Variants in CABP5 observed in about 807,000 individuals in gnomAD.
CABP5 encodes calcium-binding protein 5.
A neutral mutation model predicts 21.9 loss-of-function variants in CABP5; 17 were observed. The ratio of observed to expected loss-of-function variants is 0.78; its 90% confidence interval spans 0.53 to 1.17. The LOEUF is 1.17. CABP5 is among the 50% of genes most tolerant of loss of function. CABP5 has a pLI of 0.00. For missense variants in CABP5, 229 were observed against 228.9 expected (o/e 1.00, Z 0.00); for synonymous variants, 85 against 79.4 (o/e 1.07, Z -0.37).
At chr19:48,032,296 T>G (rs1381703638) in intron 5 of CABP5, among the ~76,000 whole-genome samples, 3 of 151,400 alleles carry the variant, frequency 2.0e-5, no homozygotes, top group Non-Finnish European at 4.4e-5. Context: ...CGAGGCCAGA[T>G]GATGGATAGA....
chr19:48,036,886 ATG>A (rs1967414169), intron 4 of CABP5, among the ~76,000 whole-genome samples: 1 of 152,240 alleles, frequency 6.6e-6, no homozygotes, highest in African/African-American at 2.4e-5. Context: ...TAAAACCACA[ATG>A]AAATATCACC....
chr19:48,038,028 C>T (rs1259382356), intron 4 of CABP5, among the ~76,000 whole-genome samples: 9 of 152,194 alleles, frequency 5.9e-5, no homozygotes, highest in Admixed American at 2.0e-4. Context: ...AATTCCCTGC[C>T]TCAGCCTCCC....
At chr19:48,042,638 G>C (rs1375309282) in intron 1 of CABP5, among the ~76,000 whole-genome samples, 1 of 149,356 alleles carries the variant, frequency 6.7e-6, no homozygotes, top group Non-Finnish European at 1.5e-5. Flanking sequence ...GCAGTGGCAC[G>C]AACTCGGCTC....
At chr19:48,035,435 T>C (rs1967396369) in intron 4 of CABP5, among the ~76,000 whole-genome samples, 1 of 152,302 alleles carries the variant, frequency 6.6e-6, no homozygotes, top group South Asian at 2.1e-4. Context: ...CCGTCTTTAC[T>C]AAAAATACAA....
chr19:48,032,664 A>ACC (rs1822659010), intron 5 of CABP5, among the ~76,000 whole-genome samples: 1 of 143,986 alleles, frequency 6.9e-6, no homozygotes, highest in African/African-American at 2.6e-5. Flanking sequence ...ATGGAGTCTC[A>ACC]CTGTTGCCCG....
At chr19:48,034,971 C>G (rs946692899) in intron 4 of CABP5, among the ~76,000 whole-genome samples, 4 of 152,098 alleles carry the variant, frequency 2.6e-5, no homozygotes, top group African/African-American at 9.7e-5. Flanking sequence ...AGCCAAAGTG[C>G]CCAGCGATAC....
chr19:48,043,844 T>C lies in CABP5; in HGVS notation c.63+16A>G, dbSNP rs1967515224. 3 of 1,144,890 alleles carry C rather than the reference T, an allele frequency of 2.6e-6. No homozygotes were observed. Among genetic ancestry groups the C allele is most frequent in the Non-Finnish European group, 3.5e-6 (3 of 853,384 alleles). 70.9% of individuals were successfully genotyped at this position (1,144,890 alleles called of 1,614,324 possible). On this transcript the variant is annotated intron_variant, in intron 1 of 5. Transcript: ENST00000293255. ...TTGCCCCGCCCACCGCCCTTCCCCC[T>C]CACTCCCCACCTCACCCGCTGTTTC... is the stretch of plus-strand genomic sequence containing the variant.
rs116560311 is a variant in CABP5, at chr19:48,041,583, A to G, written c.84T>C (p.Asp28=). 1,520 of 1,596,304 alleles carry G rather than the reference A, an allele frequency of 9.5e-4. 18 individuals carry two copies. In the African/African-American group the frequency reaches 0.018, roughly 19 times the overall value. Residue 28 remains aspartate (D), a synonymous_variant, in exon 2 of 6, where the codon GAT becomes GAC. Transcript: ENST00000293255. The part of the protein sequence containing the change: ...EKQRERPLGQ[D]EIEELREAFL... Reference sequence around the variant, plus strand: ...GGAAGACGGTGTTACCTTCAATCTCATCTTGTCCCAGTGGTCTTTCCTGGA... The same window carrying G: ...GGAAGACGGTGTTACCTTCAATCTCGTCTTGTCCCAGTGGTCTTTCCTGGA...
At position 48,030,381 on chromosome 19, in the gene CABP5, G is replaced by T. The variant is rs78570516; in HGVS notation, c.*176C>A. On this transcript the variant is annotated 3_prime_UTR_variant, in exon 6 of 6. Coordinates refer to ENST00000293255, the MANE Select transcript of CABP5 (RefSeq NM_019855.5). Reference sequence around the variant, plus strand: ...CTAGTTCTGCAGACGCCCCCATCCTGGCAAAGATACCGCTCTGGGTCTCAC... The same window carrying T: ...CTAGTTCTGCAGACGCCCCCATCCTTGCAAAGATACCGCTCTGGGTCTCAC... 9,296 of 569,292 alleles carry T rather than the reference G, an allele frequency of 0.016. 118 individuals are homozygous for T. The highest frequency in any genetic ancestry group is 0.019 in the Non-Finnish European group (6,173 of 322,872). 35.3% of individuals were successfully genotyped at this position (569,292 alleles called of 1,614,324 possible). A position where few individuals can be genotyped will look rare whatever the true frequency, so the allele number is the denominator to read the frequency against.
chr19:48,030,397 TG>T lies in CABP5; in HGVS notation c.*159del. 1 of 621,256 alleles carries T rather than the reference TG, an allele frequency of 1.6e-6. No homozygotes were observed. The highest frequency in any genetic ancestry group is 2.8e-6 in the Non-Finnish European group (1 of 358,406). 38.5% of individuals were successfully genotyped at this position (621,256 alleles called of 1,614,324 possible). ...CCCCATCCTGGCAAAGATACCGCTCTGGGTCTCACCCCATGCACAGCGCCGC... is the reference window on the plus strand; with the variant it reads ...CCCCATCCTGGCAAAGATACCGCTCTGGTCTCACCCCATGCACAGCGCCGC... On this transcript the variant is annotated 3_prime_UTR_variant, in exon 6 of 6. Coordinates refer to ENST00000293255, the MANE Select transcript of CABP5 (RefSeq NM_019855.5).
At position 48,034,292 on chromosome 19, in the gene CABP5, T is replaced by C; in HGVS notation, c.419A>G (p.Glu140Gly). ...LQQAMQRLLG[E>G]RLTPREISEV... ...AGAGATCTCCCGGGGGGTGAGCCGCTCCCCCAGGAGTCTCTGCATGGCCTG... is the reference window on the plus strand; with the variant it reads ...AGAGATCTCCCGGGGGGTGAGCCGCCCCCCCAGGAGTCTCTGCATGGCCTG... The change falls in exon 5 of 6, where the codon GAG becomes GGG. Residue 140 changes from glutamate to glycine, a missense_variant. Coordinates refer to ENST00000293255, the MANE Select transcript of CABP5 (RefSeq NM_019855.5). 2 of 1,608,002 alleles carry C rather than the reference T, an allele frequency of 1.2e-6. No individual in the cohort carries two copies. The highest frequency in any genetic ancestry group is 1.3e-5 in the African/African-American group (1 of 74,536).
At chr19:48,034,787 C>T (rs1007661523) in intron 4 of CABP5, among the ~76,000 whole-genome samples, 2 of 151,990 alleles carry the variant, frequency 1.3e-5, no homozygotes, top group African/African-American at 2.4e-5. Context: ...CTCAGTTGAT[C>T]CACCTGCCTC....
In CABP5 at chr19:48,030,594, A is replaced by G. The variant is rs752847341; in HGVS notation, c.497-12T>C. ...CATCTTCACAAACTCTGCAAAGAAA[A>G]AAAAAAATCCCCAGTAAGGCATCTC... On this transcript the variant is annotated splice_polypyrimidine_tract_variant and intron_variant, in intron 5 of 5. Transcript: ENST00000293255. 1.9e-6 allele frequency: 3 copies of G among 1,613,148 alleles called. No homozygotes were observed. The highest frequency in any genetic ancestry group is 2.5e-6 in the Non-Finnish European group (3 of 1,179,690).
intron 5 of CABP5, among the ~76,000 whole-genome samples, chr19:48,031,252 A>G (rs1237526663): frequency 6.6e-6 from 1 of 151,994 alleles, no homozygotes; most frequent in Admixed American, 6.6e-5. Flanking sequence ...ATAAACAGCT[A>G]TTGTTGGCCG....
rs541013647 is a variant in CABP5, at chr19:48,041,719, C to T, written c.64-116G>A. On this transcript the variant is annotated intron_variant, in intron 1 of 5. Coordinates refer to ENST00000293255, the MANE Select transcript of CABP5 (RefSeq NM_019855.5). Reference sequence around the variant, plus strand: ...TCTCGTGGTTCTCTTTCCATTCTCTCTCTCCTCCTCCATCCCTCCCATTCC... The same window carrying T: ...TCTCGTGGTTCTCTTTCCATTCTCTTTCTCCTCCTCCATCCCTCCCATTCC... 2.0e-5 allele frequency: 18 copies of T among 885,452 alleles called. No individual in the cohort carries two copies. The South Asian group carries it at 2.1e-4, about 10-fold the overall frequency. 54.8% of individuals were successfully genotyped at this position (885,452 alleles called of 1,614,324 possible).
intron 3 of CABP5, among the ~76,000 whole-genome samples, chr19:48,039,895 A>G (rs1464712711): frequency 1.3e-5 from 2 of 151,516 alleles, no homozygotes; most frequent in African/African-American, 4.9e-5. Flanking sequence ...TTGTATTTTT[A>G]GTAGAGACGG....
intron 1 of CABP5, among the ~76,000 whole-genome samples, chr19:48,042,838 G>T (rs1442588862): frequency 6.6e-6 from 1 of 152,156 alleles, no homozygotes; most frequent in African/African-American, 2.4e-5. Context: ...CTCCCAAAGG[G>T]CTGGGATCAC....
At position 48,034,323 on chromosome 19, in the gene CABP5, G is replaced by T. The variant is rs1408876753; in HGVS notation, c.388C>A (p.Leu130Ile). The T allele has an allele frequency of 5.0e-6, 8 of 1,604,714 alleles. No individual in the cohort carries two copies. The highest frequency in any genetic ancestry group is 6.8e-6 in the Non-Finnish European group (8 of 1,176,138). Residue 130 changes from leucine to isoleucine, a missense_variant, in exon 5 of 6, where the codon CTA becomes ATA. By Grantham distance (5) the Leu-to-Ile change is conservative (BLOSUM62 2). Coordinates refer to ENST00000293255, the MANE Select transcript of CABP5 (RefSeq NM_019855.5). ...AGGAGTCTCTGCATGGCCTGCTGTA[G>T]CTCCACCAGGGTGATCTCCCCATCT... Reference protein sequence around the residue: ...NGDGEITLVELQQAMQRLLGE... With the variant: ...NGDGEITLVEIQQAMQRLLGE...
Position 48,043,873 on chromosome 19 carries a change from G to A in CABP5, c.50C>T (p.Ala17Val), listed in dbSNP as rs1260003374. 1 of 1,496,654 alleles carries A rather than the reference G, an allele frequency of 6.7e-7. No individual in the cohort carries two copies. The highest frequency in any genetic ancestry group is 2.7e-5 in the Admixed American group (1 of 37,218). The allele number at this position is 1,496,654 out of a possible 1,614,324, so 92.7% of individuals were successfully genotyped here. Residue 17 changes from alanine (A) to valine (V), a missense_variant, in exon 1 of 6, where the codon GCT becomes GTT. Ala to Val is a moderately conservative substitution (Grantham distance 64, BLOSUM62 0). Coordinates refer to ENST00000293255, the MANE Select transcript of CABP5 (RefSeq NM_019855.5). ...PACIFLRKGI[A>V]EKQRERPLGQ... ...TCCCCACCTCACCCGCTGTTTCTCA[G>A]CAATGCCTTTCCTCAAGAAGATGCA...
Sources: allele counts gnomAD v4.1 joint callset (sites outside exome capture counted in the v4.1 genomes callset), GRCh38; gene constraint gnomAD v4.1.1; transcripts MANE v1.5; gene names NCBI Gene and HGNC (gene_info 2026-07-23, HGNC 2026-07-21).